PLTP: variants seen among roughly 807,000 people sequenced by gnomAD.
PLTP encodes BPI fold containing family E.
Under a neutral mutation model 54.1 loss-of-function variants are expected in PLTP, and 43 were observed. That is an observed-to-expected ratio of 0.79 (90% CI 0.62 to 1.02). The LOEUF is 1.02. Ranked by LOEUF, PLTP falls within the 50% of genes least tolerant of loss-of-function variation. The pLI is 0.00. For missense variants in PLTP, 604 were observed against 645.9 expected (o/e 0.94, Z 0.70); for synonymous variants, 263 against 264.6 (o/e 0.99, Z 0.06).
Position 45,909,644 on chromosome 20 carries a change from T to C in PLTP, c.357A>G (p.Ser119=), listed in dbSNP as rs2083271725. The C allele has an allele frequency of 6.2e-7, 1 of 1,614,198 alleles. No individual in the cohort carries two copies. Among genetic ancestry groups the C allele is most frequent in the African/African-American group, 1.3e-5 (1 of 75,060 alleles). Residue 119 remains serine (S), a synonymous_variant, in exon 5 of 16, where the codon TCA becomes TCG. Transcript: ENST00000372431. ...CAGTGCGGATGGACACACCCTCAGC[T>C]GAGGCGTTGATGTAGCCCCCATCAT... ...FFYDGGYINA[S]AEGVSIRTGL...
In PLTP at chr20:45,902,521, G is replaced by A; in HGVS notation, c.1026C>T (p.Thr342=). 1 of 1,614,142 alleles carries A rather than the reference G, an allele frequency of 6.2e-7. No homozygotes were observed. Among genetic ancestry groups the A allele is most frequent in the Non-Finnish European group, 8.5e-7 (1 of 1,179,984 alleles). ...TGACGCTAGCAGTGACAGAGATGGT[G>A]GTGCCAGAGGGCTTGATGGTGCAGC... is the stretch of plus-strand genomic sequence containing the variant. The part of the protein sequence containing the change: ...PPRCTIKPSG[T]TISVTASVTI... The change falls in exon 11 of 16, where the codon ACC becomes ACT. Residue 342 remains threonine (T), a synonymous_variant. Coordinates refer to ENST00000372431, the MANE Select transcript of PLTP (RefSeq NM_006227.4).
At chr20:45,910,926 C>T (rs2083283838) in intron 3 of PLTP, 3 of 1,422,952 alleles carry the variant, frequency 2.1e-6, no homozygotes, top group South Asian at 1.5e-5. Context: ...TCCTTCTTGG[C>T]CCCCTCTACA....
chr20:45,902,442 T>C lies in PLTP; in HGVS notation c.1105A>G (p.Met369Val). 1 of 1,614,188 alleles carries C rather than the reference T, an allele frequency of 6.2e-7. No individual in the cohort carries two copies. Among genetic ancestry groups the C allele is most frequent in the Non-Finnish European group, 8.5e-7 (1 of 1,180,010 alleles). Residue 369 changes from methionine to valine, a missense_variant and splice_region_variant, in exon 11 of 16, where the codon ATG becomes GTG. Met to Val is a conservative substitution (Grantham distance 21, BLOSUM62 1). Coordinates refer to ENST00000372431, the MANE Select transcript of PLTP (RefSeq NM_006227.4). ...QPEVQLSSMT[M>V]DARLSAKMAL... ...AGCCCCCACTCTGGGACCCGTACCA[T>C]AGTCATGCTGGACAGCTGGACCTCA...
At chr20:45,904,712 C>T (rs925500681) in intron 10 of PLTP, 88 bp downstream of exon 10, 28 of 1,199,630 alleles carry the variant, frequency 2.3e-5, no homozygotes, top group Middle Eastern at 2.2e-4. Context: ...GCCCTGTCTG[C>T]GTGGCTGCCA....
intron 5 of PLTP, 76 bp downstream of exon 5, chr20:45,909,440 A>G: frequency 6.6e-7 from 1 of 1,524,780 alleles, no homozygotes; most frequent in South Asian, 1.1e-5. Flanking sequence ...TCCCAGGCCT[A>G]TGCACTTTGC....
intron 9 of PLTP, 29 bp from the exon 10 acceptor site, chr20:45,904,888 T>G: frequency 6.2e-7 from 1 of 1,613,950 alleles, no homozygotes; most frequent in Non-Finnish European, 8.5e-7. Context: ...AGTGAGGGAG[T>G]GAGCTCTGTC....
At chr20:45,907,780 G>A (rs1373214835) in intron 6 of PLTP, 25 bp from the exon 7 acceptor site, 1 of 1,612,046 alleles carries the variant, frequency 6.2e-7, no homozygotes, top group East Asian at 2.2e-5. Context: ...CCAGAGTCAG[G>A]GCCTTCTCAA....
Position 45,905,032 on chromosome 20 carries a change from C to T in PLTP, c.792G>A (p.Val264=), listed in dbSNP as rs1285601380. Residue 264 remains valine (V), a synonymous_variant, in exon 9 of 16, where the codon GTG becomes GTA. Coordinates refer to ENST00000372431, the MANE Select transcript of PLTP (RefSeq NM_006227.4). ...AGAAGAACTCAGAGAAGGCCACATACACCATCCGCTCTTCCTCCTGCAGCT... is the reference window on the plus strand; with the variant it reads ...AGAAGAACTCAGAGAAGGCCACATATACCATCCGCTCTTCCTCCTGCAGCT... ...EPQLQEEERM[V]YVAFSEFFFD... is the part of the protein sequence containing the mutation. The T allele has an allele frequency of 1.9e-6, 3 of 1,614,234 alleles. No homozygotes were observed. The highest frequency in any genetic ancestry group is 2.7e-5 in the African/African-American group (2 of 75,066).
chr20:45,906,482 C>A, intron 7 of PLTP, 123 bp from the exon 8 acceptor site: 1 of 769,544 alleles, frequency 1.3e-6, no homozygotes. Context: ...TCATGAGGGT[C>A]AAATTAGTTT....
At chr20:45,904,189 T>G (rs1318062711) in intron 10 of PLTP, among the ~76,000 whole-genome samples, 2 of 152,150 alleles carry the variant, frequency 1.3e-5, no homozygotes, top group African/African-American at 4.8e-5. Context: ...TTCTGCTAGG[T>G]GCGGTGGCTC....
rs1260800137 is a variant in PLTP at position 45,911,166 on chromosome 20, G to A, written c.186C>T (p.Tyr62=). ...PDLRGKEGHF[Y]YNISEVKVTE... ...CCCCCACTTACTCAGAGATGTTGTA[G>A]TAGAAGTGGCCTTCTTTGCCCCGCA... is the stretch of plus-strand genomic sequence containing the variant. The change falls in exon 3 of 16, where the codon TAC becomes TAT. Residue 62 remains tyrosine, a synonymous_variant. Coordinates refer to ENST00000372431, the MANE Select transcript of PLTP (RefSeq NM_006227.4). 3.1e-6 allele frequency: 5 copies of A among 1,613,796 alleles called. No homozygotes were observed. In the South Asian group the frequency reaches 5.5e-5, roughly 18 times the overall value.
intron 8 of PLTP, among the ~76,000 whole-genome samples, 183 bp downstream of exon 8, chr20:45,906,085 A>C (rs1404936839): frequency 6.6e-6 from 1 of 152,230 alleles, no homozygotes; most frequent in Non-Finnish European, 1.5e-5. Context: ...TAAGATTAAC[A>C]GGGGCTCAAA....
intron 12 of PLTP, among the ~76,000 whole-genome samples, chr20:45,900,628 A>G (rs1426236098): frequency 1.3e-5 from 2 of 152,018 alleles, no homozygotes; most frequent in African/African-American, 4.8e-5. Context: ...CCAGGGCTCA[A>G]GTCAGCCTCC....
In PLTP at chr20:45,906,245, A is replaced by G. The variant is rs777005809; in HGVS notation, c.705+23T>C. The G allele has an allele frequency of 3.8e-6, 6 of 1,565,846 alleles. No homozygotes were observed. In the South Asian group the frequency reaches 6.7e-5, roughly 17 times the overall value. On this transcript the variant is annotated intron_variant, in intron 8 of 15. Transcript: ENST00000372431. ...AGGTCTTGTTAGGAAGTCAGAGGTC[A>G]TACACCAGCCCAAGCAGCTCACCCG...
In PLTP at chr20:45,907,071, A is replaced by G. The variant is rs1342857032; in HGVS notation, c.613+621T>C. Among the ~76,000 whole-genome samples, 8 of 125,740 alleles carry G rather than the reference A, an allele frequency of 6.4e-5. 2 individuals are homozygous for G. Among genetic ancestry groups the G allele is most frequent in the African/African-American group, 2.6e-5 (1 of 38,938 alleles). The allele number at this position is 125,740 out of a possible 152,430, so 82.5% of individuals were successfully genotyped here. A position where few individuals can be genotyped will look rare whatever the true frequency, so the allele number is the denominator to read the frequency against. On this transcript the variant is annotated intron_variant, in intron 7 of 15. Transcript: ENST00000372431. ...TGGCCAGGCACAGTGGCTCATGCCT[A>G]TAATCCCAGCACTTTGGGAGGCCAA...
chr20:45,902,120 T>C, intron 12 of PLTP, 147 bp downstream of exon 12: 1 of 855,166 alleles, frequency 1.2e-6, no homozygotes, highest in Non-Finnish European at 1.9e-6. Flanking sequence ...GAGTCAGACT[T>C]TACCAAAGCA....
In PLTP at chr20:45,899,849, A is replaced by G; in HGVS notation, c.1205T>C (p.Leu402Pro). ...TTCCCCACTCACAGCCAGCGACTCC[A>G]GTGCAGAATGGTTGGAATAGATTCG... is the stretch of plus-strand genomic sequence containing the variant. ...RFRIYSNHSA[L>P]ESLALIPLQA... Residue 402 changes from leucine (L) to proline (P), a missense_variant, in exon 13 of 16, where the codon CTG becomes CCG. Coordinates refer to ENST00000372431, the MANE Select transcript of PLTP (RefSeq NM_006227.4). The G allele has an allele frequency of 8.3e-7, 1 of 1,209,302 alleles. No individual in the cohort carries two copies. The highest frequency in any genetic ancestry group is 1.1e-6 in the Non-Finnish European group (1 of 925,466). The allele number at this position is 1,209,302 out of a possible 1,614,324, so 74.9% of individuals were successfully genotyped here.
Position 45,909,619 on chromosome 20 carries a change from C to T in PLTP, c.382G>A (p.Gly128Ser). 6.2e-7 allele frequency: 1 copy of T among 1,614,142 alleles called. No homozygotes were observed. The highest frequency in any genetic ancestry group is 8.5e-7 in the Non-Finnish European group (1 of 1,180,032). ...ASAEGVSIRT[G>S]LELSRDPAGR... ...GCGGGATCCCGGGAGAGCTCCAGAC[C>T]AGTGCGGATGGACACACCCTCAGCT... Residue 128 changes from glycine to serine, a missense_variant, in exon 5 of 16, where the codon GGT becomes AGT. Gly to Ser is a moderately conservative substitution (Grantham distance 56). Transcript: ENST00000372431.
Position 45,899,691 on chromosome 20 carries a change from A to T in PLTP, c.1219-6T>A, listed in dbSNP as rs1291790087. ...GGGGCCTGTAATGGGATCAGCTGGG[A>T]GGGGCGAGGGCGGAAACAGGGCAGT... is the stretch of plus-strand genomic sequence containing the variant. On this transcript the variant is annotated splice_polypyrimidine_tract_variant and splice_region_variant and intron_variant, in intron 13 of 15. Coordinates refer to ENST00000372431, the MANE Select transcript of PLTP (RefSeq NM_006227.4). The T allele has an allele frequency of 6.2e-7, 1 of 1,614,070 alleles. No homozygotes were observed. Among genetic ancestry groups the T allele is most frequent in the Admixed American group, 1.7e-5 (1 of 60,016 alleles).
Sources: gnomAD v4.1 joint callset for allele counts (sites outside exome capture counted in the v4.1 genomes callset) on GRCh38, gnomAD v4.1.1 for gene constraint, MANE v1.5 for transcripts, NCBI Gene and HGNC (gene_info 2026-07-23, HGNC 2026-07-21) for gene names.